The following TASP1 variants were observed in gnomAD, a reference collection of about 807,000 sequenced individuals.
TASP1 encodes taspase 1.
Under a neutral mutation model 56.6 loss-of-function variants are expected in TASP1, and 16 were observed. The observed-to-expected ratio is 0.28, with a 90% CI of 0.19 to 0.43. The LOEUF is 0.43. TASP1 is among the 20% of genes least tolerant of loss of function. The probability of loss-of-function intolerance (pLI) is 1.00; values close to 1 mark genes in which losing one functional copy is unlikely to be tolerated. For missense variants in TASP1, 393 were observed against 511.6 expected (o/e 0.77, Z 2.24); for synonymous variants, 179 against 184.2 (o/e 0.97, Z 0.23).
chr20:13,346,000 T>C, the TASP1 span, among the ~76,000 whole-genome samples: 1 of 150,904 alleles, frequency 6.6e-6, no homozygotes, highest in Non-Finnish European at 1.5e-5. Context: ...TGGAGGCAGC[T>C]GGAGGGCTAC....
intron 10 of TASP1, among the ~76,000 whole-genome samples, chr20:13,509,333 T>C (rs2044244810): frequency 6.6e-6 from 1 of 152,082 alleles, no homozygotes; most frequent in African/African-American, 2.4e-5. Context: ...TAGAAGAGTG[T>C]TTACCAGGGT....
chr20:13,135,402 G>T, the TASP1 span, among the ~76,000 whole-genome samples: 3 of 152,270 alleles, frequency 2.0e-5, no homozygotes, highest in South Asian at 4.1e-4. Flanking sequence ...TTCCTCCCAT[G>T]ATCGTTACAA....
At chr20:13,425,079 T>G (rs769865610) in intron 12 of TASP1, among the ~76,000 whole-genome samples, 1 of 152,188 alleles carries the variant, frequency 6.6e-6, no homozygotes. Context: ...GTACTTAATC[T>G]TAGAGGCTAG....
chr20:13,112,137 GTGGGTTGTGTGGACCAAC>G, the TASP1 span, among the ~76,000 whole-genome samples: 1 of 152,214 alleles, frequency 6.6e-6, no homozygotes, highest in African/African-American at 2.4e-5. Flanking sequence ...CCACGCTACC[GTGGGTTGTGTGGACCAAC>G]TGGGCAGTTC....
chr20:13,392,669 A>G, intron 13 of TASP1: 1 of 497,934 alleles, frequency 2.0e-6, no homozygotes, highest in Non-Finnish European at 3.8e-6. Flanking sequence ...AGTGCTAGCC[A>G]CATCCCTGGT....
chr20:13,153,645 G>A, the TASP1 span, among the ~76,000 whole-genome samples: 6 of 152,172 alleles, frequency 3.9e-5, no homozygotes, highest in Non-Finnish European at 7.3e-5. Context: ...AAGTGGTTAT[G>A]TTCCTTCTTA....
chr20:13,234,987 C>T, the TASP1 span, among the ~76,000 whole-genome samples: 1 of 152,324 alleles, frequency 6.6e-6, no homozygotes, highest in African/African-American at 2.4e-5. Flanking sequence ...GGTCTACATG[C>T]ATGTTTTTCT....
rs60385063 is a variant in TASP1 at position 13,506,646 on chromosome 20, G to C, written c.874+21787C>G. 1.8e-3 allele frequency among the ~76,000 whole-genome samples: 279 copies of C among 152,132 alleles called. 1 individual carries two copies. The highest frequency in any genetic ancestry group is 6.3e-3 in the African/African-American group (262 of 41,510). On this transcript the variant is annotated intron_variant, in intron 10 of 13. Transcript: ENST00000337743. ...ATAGAATGAAGAACAAAAACCATATGATCATCTCAAGAGAGACAGAAGAAG... is the reference window on the plus strand; with the variant it reads ...ATAGAATGAAGAACAAAAACCATATCATCATCTCAAGAGAGACAGAAGAAG...
At chr20:13,126,615 C>T in the TASP1 span, 11 of 1,613,848 alleles carry the variant, frequency 6.8e-6, no homozygotes, top group Non-Finnish European at 9.3e-6. Context: ...TTTACGGGTT[C>T]ACTCGCATAG....
intron 13 of TASP1, among the ~76,000 whole-genome samples, chr20:13,406,194 T>C (rs1313385573): frequency 6.6e-6 from 1 of 152,232 alleles, no homozygotes; most frequent in Non-Finnish European, 1.5e-5. Flanking sequence ...TAAAACCAAC[T>C]TGTCAATTTC....
intron 4 of TASP1, among the ~76,000 whole-genome samples, chr20:13,593,098 T>C (rs1251491869): frequency 6.6e-6 from 1 of 152,170 alleles, no homozygotes; most frequent in Non-Finnish European, 1.5e-5. Context: ...ATTCATGATG[T>C]TAAAAACTCT....
chr20:13,509,131 G>C (rs2044235857), intron 10 of TASP1, among the ~76,000 whole-genome samples: 1 of 148,378 alleles, frequency 6.7e-6, no homozygotes, highest in Admixed American at 6.8e-5. Flanking sequence ...GAAAGTGTGT[G>C]TGTGTGTGTG....
chr20:13,299,597 A>G, the TASP1 span: 3 of 851,618 alleles, frequency 3.5e-6, no homozygotes, highest in Non-Finnish European at 3.6e-6. This position sits in a 1 kb window ranked among gnomAD's most constrained non-coding sequence, Gnocchi z 5.8. Flanking sequence ...TTTCTCATAC[A>G]TTACGCTAGG....
chr20:13,416,865 T>A (rs780936568), intron 13 of TASP1, among the ~76,000 whole-genome samples: 2 of 152,210 alleles, frequency 1.3e-5, no homozygotes, highest in African/African-American at 2.4e-5. Flanking sequence ...GATGCCTATG[T>A]GATTATTGCA....
In TASP1 at chr20:13,538,218, G is replaced by A. The variant is rs954070208; in HGVS notation, c.676-4077C>T. 2.0e-4 allele frequency among the ~76,000 whole-genome samples: 31 copies of A among 152,144 alleles called. 1 individual carries two copies. The highest frequency in any genetic ancestry group is 7.5e-4 in the African/African-American group (31 of 41,536). On this transcript the variant is annotated intron_variant, in intron 8 of 13. Coordinates refer to ENST00000337743, the MANE Select transcript of TASP1 (RefSeq NM_017714.3). ...ACAGTTTCACTATGTTAGCCAGGCT[G>A]GTCTTGAACTCCTGACCTCAGGCTA... is the stretch of plus-strand genomic sequence containing the variant.
chr20:13,197,578 G>A, the TASP1 span, among the ~76,000 whole-genome samples: 1 of 152,152 alleles, frequency 6.6e-6, no homozygotes, highest in African/African-American at 2.4e-5. Context: ...TTTTAGATTT[G>A]CCTGTCTGAA....
intron 10 of TASP1, among the ~76,000 whole-genome samples, chr20:13,499,390 T>C (rs2043858911): frequency 6.6e-6 from 1 of 151,376 alleles, no homozygotes; most frequent in Non-Finnish European, 1.5e-5. Context: ...ATGAGATCAG[T>C]GTCACACAAT....
chr20:13,624,590 G>A (rs1188602886), intron 3 of TASP1, among the ~76,000 whole-genome samples: 1 of 152,060 alleles, frequency 6.6e-6, no homozygotes, highest in Non-Finnish European at 1.5e-5. Flanking sequence ...AAAAGTAATG[G>A]AAGGTTTGCC....
the TASP1 span, among the ~76,000 whole-genome samples, chr20:13,320,621 A>C: frequency 2.0e-5 from 3 of 152,306 alleles, no homozygotes; most frequent in African/African-American, 7.2e-5. Flanking sequence ...AATAAGGTAG[A>C]AGCTTATTGC....
Sources: allele counts gnomAD v4.1 joint callset (sites outside exome capture counted in the v4.1 genomes callset), GRCh38; gene constraint gnomAD v4.1.1; non-coding constraint Gnocchi (gnomAD v3.1); transcripts MANE v1.5; gene names NCBI Gene and HGNC (gene_info 2026-07-23, HGNC 2026-07-21).